Variants in ZNF709 observed in about 807,000 individuals in gnomAD.
ZNF709 encodes the protein zinc finger protein 709.
In ZNF709, 15 loss-of-function variants were observed where a neutral mutation model predicts 10.6. That is an observed-to-expected ratio of 1.41 (90% confidence interval 0.95 to 2.18). ZNF709 has a LOEUF of 2.18. Among genes scored for constraint, ZNF709 ranks in the 30% most tolerant of loss-of-function variants. ZNF709 has a pLI of 0.00. For missense variants in ZNF709, 589 were observed against 774.0 expected, an observed-to-expected ratio of 0.76 and a Z score of 2.84; for synonymous variants, 194 against 238.8, an observed-to-expected ratio of 0.81 and a Z score of 1.73.
At chr19:12,466,027 G>A (rs150453904) in intron 3 of ZNF709, among the ~76,000 whole-genome samples, 2 of 149,936 alleles carry the variant, frequency 1.3e-5, no homozygotes, top group East Asian at 2.0e-4. Context: ...TGCAACCTCC[G>A]TCTCCTGGGT....
chr19:12,479,744 C>T lies in ZNF709; in HGVS notation c.3+4911G>A, dbSNP rs1405135822. On this transcript the variant is annotated intron_variant, in intron 1 of 3. Coordinates refer to ENST00000397732, the MANE Select transcript of ZNF709 (RefSeq NM_152601.4). ...AATTAGCCGGGCGTGGTGGTGCACGCATGTAGTCCCAGCTACTCGCGAGGC... is the reference window on the plus strand; with the variant it reads ...AATTAGCCGGGCGTGGTGGTGCACGTATGTAGTCCCAGCTACTCGCGAGGC... Among the ~76,000 whole-genome samples, 3 of 152,184 alleles carry T rather than the reference C, an allele frequency of 2.0e-5. No individual in the cohort carries two copies. The East Asian group carries it at 5.8e-4, about 29-fold the overall frequency.
At chr19:12,481,234 CT>C (rs925141707) in intron 1 of ZNF709, 166 of 963,128 alleles carry the variant, frequency 1.7e-4, no homozygotes, top group African/African-American at 3.7e-4. Context: ...CCAGAGTTTT[CT>C]TTTTTTTTGT....
At chr19:12,466,193 G>A (rs1401520966) in intron 3 of ZNF709, among the ~76,000 whole-genome samples, 1 of 152,036 alleles carries the variant, frequency 6.6e-6, no homozygotes, top group Non-Finnish European at 1.5e-5. Flanking sequence ...TGCCCACCTT[G>A]GCCTCCCAAA....
chr19:12,471,115 A>G (rs961852221), intron 1 of ZNF709, among the ~76,000 whole-genome samples: 3 of 152,144 alleles, frequency 2.0e-5, no homozygotes, highest in African/African-American at 7.2e-5. Flanking sequence ...CTAGCAGACA[A>G]TATATCATAT....
Position 12,464,161 on chromosome 19 carries a change from G to C in ZNF709, c.1761C>G (p.Pro587=), listed in dbSNP as rs760969589. 8.9e-6 allele frequency: 14 copies of C among 1,572,624 alleles called. No individual in the cohort carries two copies. The highest frequency in any genetic ancestry group is 1.2e-5 in the South Asian group (1 of 82,774). Residue 587 remains proline (P), a synonymous_variant, in exon 4 of 4, where the codon CCC becomes CCG. Transcript: ENST00000397732. ...CTTTGTCACATTGTTTACATTCATA[G>C]GGTTTCACTCCAGTGTGAGTCCTTT... ...MHERTHTGVK[P]YECKQCDKAF...
chr19:12,470,771 C>CA (rs1234727446), intron 1 of ZNF709, among the ~76,000 whole-genome samples: 1 of 151,890 alleles, frequency 6.6e-6, no homozygotes, highest in African/African-American at 2.4e-5. Flanking sequence ...ACTGAAGATA[C>CA]AAAAAATTAG....
intron 1 of ZNF709, among the ~76,000 whole-genome samples, chr19:12,476,117 A>G (rs1434182458): frequency 6.6e-6 from 1 of 152,174 alleles, no homozygotes; most frequent in Non-Finnish European, 1.5e-5. Context: ...CTAGGCCAGG[A>G]GCAGTGGCTC....
Position 12,484,716 on chromosome 19 carries a change from C to G in ZNF709, c.-59G>C. The G allele has an allele frequency of 6.2e-7, 1 of 1,612,806 alleles. No individual in the cohort carries two copies. The highest frequency in any genetic ancestry group is 8.5e-7 in the Non-Finnish European group (1 of 1,178,942). ...TACCTCTCCCGCGGCCAGCACAGGT[C>G]CTACCTCCACCTGAGGCCCTTCCTC... On this transcript the variant is annotated 5_prime_UTR_variant, in exon 1 of 4. Coordinates refer to ENST00000397732, the MANE Select transcript of ZNF709 (RefSeq NM_152601.4).
chr19:12,467,230 C>T (rs1970579956), intron 1 of ZNF709, among the ~76,000 whole-genome samples: 1 of 152,232 alleles, frequency 6.6e-6, no homozygotes, highest in South Asian at 2.1e-4. Context: ...CACACTGCAA[C>T]CTCCCTGCCT....
Position 12,464,087 on chromosome 19 carries a change from C to A in ZNF709, c.1835G>T (p.Gly612Val). 1 of 1,560,482 alleles carries A rather than the reference C, an allele frequency of 6.4e-7. No individual in the cohort carries two copies. Among genetic ancestry groups the A allele is most frequent in the Non-Finnish European group, 8.6e-7 (1 of 1,158,632 alleles). ...SFRIHERTHT[G>V]EKPYACQQCG... ...TTGTTGACATGCATAGGGTTTCTCT[C>A]CAGTGTGAGTTCGTTCATGGATTCG... The change falls in exon 4 of 4, where the codon GGA (glycine) becomes GTA (valine). Residue 612 changes from glycine to valine, a missense_variant. Physicochemically the swap from Gly to Val is moderately radical, Grantham distance 109 (BLOSUM62 -3). This residue lies in a region of ZNF709 where 171 missense variants were observed against 277.7 expected (regional missense o/e 0.62). Transcript: ENST00000397732.
In ZNF709 at chr19:12,481,924, A is replaced by AG. The variant is rs71166685; in HGVS notation, c.3+2730dup. ...AGACACTGACTTAAAAAAAAAAAAA[A>AG]GGGAAGGAAGGAAGGGGAAAGAAAG... On this transcript the variant is annotated intron_variant, in intron 1 of 3. Transcript: ENST00000397732. Among the ~76,000 whole-genome samples the AG allele has an allele frequency of 1.8e-3, 264 of 142,956 alleles. 2 individuals are homozygous for AG. Among genetic ancestry groups the AG allele is most frequent in the Middle Eastern group, 3.5e-3 (1 of 284 alleles). 93.8% of individuals were successfully genotyped at this position (142,956 alleles called of 152,430 possible).
In ZNF709 at chr19:12,464,918, G is replaced by C. The variant is rs754110213; in HGVS notation, c.1004C>G (p.Pro335Arg). The change falls in exon 4 of 4, where the codon CCC becomes CGC. Residue 335 changes from proline (P) to arginine (R), a missense_variant. Pro to Arg is a moderately radical substitution (Grantham distance 103, BLOSUM62 -2). Around this residue, in one of 2 missense-constraint regions of ZNF709, gnomAD observed 418 missense variants for 496.3 expected, o/e 0.84. Coordinates refer to ENST00000397732, the MANE Select transcript of ZNF709 (RefSeq NM_152601.4). ...KHERIHTGEK[P>R]YDCKECGKAF... ...TTTCCCACATTCCTTACAATCATAG[G>C]GTTTCTCTCCTGTATGAATTCTTTC... 1.2e-6 allele frequency: 2 copies of C among 1,612,374 alleles called. No homozygotes were observed. Among genetic ancestry groups the C allele is most frequent in the South Asian group, 1.1e-5 (1 of 90,774 alleles).
At chr19:12,474,332 C>T (rs74640887) in intron 1 of ZNF709, among the ~76,000 whole-genome samples, 2,058 of 152,274 alleles carry the variant, frequency 0.014, 36 homozygotes, top group African/African-American at 0.046. Context: ...CATAATGTCC[C>T]CTACGTCCAT....
chr19:12,474,932 T>A (rs1266745133), intron 1 of ZNF709, among the ~76,000 whole-genome samples: 1 of 152,102 alleles, frequency 6.6e-6, no homozygotes. Flanking sequence ...ATAGCTACCA[T>A]AACTTGTAAA....
rs1970764836 is a variant in ZNF709, at chr19:12,484,765, G to A, written c.-108C>T. The A allele has an allele frequency of 6.4e-5, 94 of 1,479,396 alleles. 1 individual carries two copies. The South Asian group carries it at 9.9e-4, about 16-fold the overall frequency. 91.6% of individuals were successfully genotyped at this position (1,479,396 alleles called of 1,614,324 possible). A position where few individuals can be genotyped will look rare whatever the true frequency, so the allele number is the denominator to read the frequency against. ...TCCACCTGAGGGCCTTCTGGGGTGA[G>A]GAGACCCCAGAGCGGAGCGCAGCGG... On this transcript the variant is annotated 5_prime_UTR_variant, in exon 1 of 4. Transcript: ENST00000397732.
chr19:12,475,720 G>A (rs1053977348), intron 1 of ZNF709, among the ~76,000 whole-genome samples: 1 of 152,156 alleles, frequency 6.6e-6, no homozygotes, highest in African/African-American at 2.4e-5. Flanking sequence ...GAGAGGAGAG[G>A]GGAGGAGAGG....
intron 1 of ZNF709, among the ~76,000 whole-genome samples, chr19:12,470,801 C>A (rs1262100679): frequency 3.3e-5 from 5 of 151,918 alleles, no homozygotes; most frequent in African/African-American, 7.3e-5. Context: ...ATGTCGGGAG[C>A]CTGTAGTCCC....
chr19:12,480,693 A>AC (rs2145008850), intron 1 of ZNF709, among the ~76,000 whole-genome samples: 1 of 152,136 alleles, frequency 6.6e-6, no homozygotes, highest in East Asian at 1.9e-4. Context: ...AAAAAAAAAA[A>AC]AAAAAGTTCA....
chr19:12,466,521 TA>T lies in ZNF709; in HGVS notation c.131-3del. On this transcript the variant is annotated splice_region_variant and splice_polypyrimidine_tract_variant and intron_variant, in intron 2 of 3. Coordinates refer to ENST00000397732, the MANE Select transcript of ZNF709 (RefSeq NM_152601.4). ...TGTTCTTCTCCTCCCAGTTTTCCCC[TA>T]AAATGCAGGCCCAGAAAAATCATTA... is the stretch of plus-strand genomic sequence containing the variant. The T allele has an allele frequency of 6.2e-7, 1 of 1,614,042 alleles. No homozygotes were observed.
Sources: gnomAD v4.1 joint callset for allele counts (sites outside exome capture counted in the v4.1 genomes callset) on GRCh38, gnomAD v4.1.1 for gene constraint, gnomAD v4.1.1 regional missense constraint, MANE v1.5 for transcripts, NCBI Gene and HGNC (gene_info 2026-07-23, HGNC 2026-07-21) for gene names.